The following TAFA2 variants were observed in gnomAD, a reference collection of about 807,000 sequenced individuals.
TAFA2 encodes the protein chemokine-like protein TAFA-2.
Under a neutral mutation model 18.8 loss-of-function variants are expected in TAFA2, and 7 were observed. That is an observed-to-expected ratio of 0.37 (90% CI 0.21 to 0.70). The LOEUF (loss-of-function observed/expected upper bound fraction) is 0.70. Among genes scored for constraint, TAFA2 ranks in the 30% least tolerant of loss-of-function variants. TAFA2 has a pLI of 0.53. For synonymous variants in TAFA2, 60 were observed against 54.2 expected (o/e 1.11, Z -0.47); for missense variants, 122 against 158.1 (o/e 0.77, Z 1.23).
At chr12:62,105,919 G>A (rs1469797801) in intron 1 of TAFA2, among the ~76,000 whole-genome samples, 1 of 152,206 alleles carries the variant, frequency 6.6e-6, no homozygotes, top group Non-Finnish European at 1.5e-5. Context: ...CAGATCACAT[G>A]CAACCGTTAG....
chr12:61,780,804 C>T (rs1205191459), intron 2 of TAFA2, among the ~76,000 whole-genome samples: 1 of 151,710 alleles, frequency 6.6e-6, no homozygotes, highest in East Asian at 2.0e-4. Context: ...AATTTCTCTC[C>T]TCTATGGCAA....
chr12:62,147,275 T>C (rs2062288287), intron 1 of TAFA2, among the ~76,000 whole-genome samples: 1 of 146,300 alleles, frequency 6.8e-6, no homozygotes, highest in Admixed American at 6.9e-5. Context: ...TATGTGTGTG[T>C]GTATATATAT....
chr12:61,836,621 G>T (rs1872928950), intron 2 of TAFA2, among the ~76,000 whole-genome samples: 1 of 151,268 alleles, frequency 6.6e-6, no homozygotes, highest in Non-Finnish European at 1.5e-5. Flanking sequence ...TTATAAAATA[G>T]TTCCAAACTG....
chr12:62,156,984 C>T (rs11174355), intron 1 of TAFA2, among the ~76,000 whole-genome samples: 86,567 of 151,934 alleles, frequency 0.57, 24,782 homozygotes, highest in Non-Finnish European at 0.59. Flanking sequence ...TCTTTAAGTA[C>T]ATTATTTGCC....
intron 1 of TAFA2, among the ~76,000 whole-genome samples, chr12:62,055,932 G>A (rs547950187): frequency 3.9e-5 from 6 of 152,226 alleles, no homozygotes; most frequent in African/African-American, 1.4e-4. Flanking sequence ...AAAGTCAATA[G>A]AGAGCTATCA....
intron 1 of TAFA2, among the ~76,000 whole-genome samples, chr12:61,972,104 G>A (rs1292850927): frequency 6.6e-6 from 1 of 151,578 alleles, no homozygotes; most frequent in African/African-American, 2.4e-5. Flanking sequence ...TAAGTTTTAA[G>A]TTCAGGGCTA....
rs923373607 is a variant in TAFA2 at position 61,817,017 on chromosome 12, A to G, written c.106+50303T>C. On this transcript the variant is annotated intron_variant, in intron 2 of 4. Transcript: ENST00000416284. ...CCAGGTTGGAAGCCCAAAAGAAATA[A>G]AAGAATTTTGTTGCTACTTCCATAG... Among the ~76,000 whole-genome samples the G allele has an allele frequency of 4.0e-5, 6 of 151,400 alleles. No homozygotes were observed. The South Asian group carries it at 1.0e-3, about 26-fold the overall frequency.
intron 4 of TAFA2, 143 bp from the exon 5 acceptor site, chr12:61,710,560 G>A (rs367864918): frequency 8.0e-6 from 5 of 626,700 alleles, no homozygotes; most frequent in Non-Finnish European, 1.1e-5. Context: ...AGGACTAACA[G>A]ATGCAGGTAT....
intron 1 of TAFA2, among the ~76,000 whole-genome samples, chr12:61,980,523 G>C (rs1432853127): frequency 6.6e-6 from 1 of 152,152 alleles, no homozygotes; most frequent in African/African-American, 2.4e-5. Flanking sequence ...AATTGTCCCT[G>C]TTTGCAGATG....
At chr12:62,069,083 C>T (rs1295501272) in intron 1 of TAFA2, among the ~76,000 whole-genome samples, 2 of 152,126 alleles carry the variant, frequency 1.3e-5, no homozygotes, top group Non-Finnish European at 2.9e-5. Flanking sequence ...TTTTGTGCTG[C>T]AATTTCCACA....
intron 1 of TAFA2, among the ~76,000 whole-genome samples, chr12:61,919,399 A>G (rs927621490): frequency 3.9e-5 from 6 of 152,006 alleles, no homozygotes; most frequent in Admixed American, 1.3e-4. Flanking sequence ...AACCCTTCCA[A>G]TTCTCTTTCT....
At chr12:62,166,043 T>C (rs1178077137) in intron 1 of TAFA2, among the ~76,000 whole-genome samples, 1 of 151,932 alleles carries the variant, frequency 6.6e-6, no homozygotes, top group Non-Finnish European at 1.5e-5. Flanking sequence ...GAGACTGGTG[T>C]CATGAATGTC....
chr12:62,168,965 C>CAG (rs2062458702), intron 1 of TAFA2, among the ~76,000 whole-genome samples: 1 of 151,828 alleles, frequency 6.6e-6, no homozygotes, highest in African/African-American at 2.4e-5. Flanking sequence ...CACACACACA[C>CAG]ACACACATAT....
chr12:62,032,128 A>G, intron 1 of TAFA2, among the ~76,000 whole-genome samples: 1 of 152,194 alleles, frequency 6.6e-6, no homozygotes, highest in Middle Eastern at 3.2e-3. Flanking sequence ...AAAGTATAGC[A>G]TGTGTAAGTC....
chr12:61,897,208 T>A (rs527744606), intron 1 of TAFA2, among the ~76,000 whole-genome samples: 3 of 152,292 alleles, frequency 2.0e-5, no homozygotes, highest in Admixed American at 1.3e-4. Context: ...GATGTGCAAA[T>A]CCTTGAGACA....
chr12:61,765,905 G>T (rs140588651), intron 2 of TAFA2, among the ~76,000 whole-genome samples: 1 of 152,030 alleles, frequency 6.6e-6, no homozygotes, highest in Non-Finnish European at 1.5e-5. Context: ...CTAGAGAGGA[G>T]GAGATAGCTA....
chr12:61,864,131 C>G (rs991366767), intron 2 of TAFA2, among the ~76,000 whole-genome samples: 1 of 152,146 alleles, frequency 6.6e-6, no homozygotes, highest in Non-Finnish European at 1.5e-5. Context: ...GCCTAAGACT[C>G]ATGTCATACG....
At chr12:61,741,611 C>T (rs971103567) in intron 4 of TAFA2, among the ~76,000 whole-genome samples, 13 of 152,018 alleles carry the variant, frequency 8.6e-5, no homozygotes, top group African/African-American at 2.7e-4. Flanking sequence ...AGTTATGGGC[C>T]ATGCAATATT....
chr12:62,066,724 C>T (rs1882498999), intron 1 of TAFA2, among the ~76,000 whole-genome samples: 1 of 152,010 alleles, frequency 6.6e-6, no homozygotes, highest in Admixed American at 6.6e-5. Context: ...TATTGATGAA[C>T]ACAGGTTGCT....
Sources: allele counts gnomAD v4.1 joint callset (sites outside exome capture counted in the v4.1 genomes callset), GRCh38; gene constraint gnomAD v4.1.1; transcripts MANE v1.5; gene names NCBI Gene and HGNC (gene_info 2026-07-23, HGNC 2026-07-21).